Variants in ROBO2 observed in about 807,000 individuals in gnomAD.
ROBO2 encodes the protein roundabout guidance receptor 2.
ROBO2 carries 53 observed loss-of-function variants against 160.8 expected under a neutral mutation model. That is an observed-to-expected ratio of 0.33 (90% CI 0.26 to 0.41). The LOEUF (loss-of-function observed/expected upper bound fraction) is 0.41, where lower values mean the gene tolerates loss of function less well. Among genes scored for constraint, ROBO2 ranks in the 10% least tolerant of loss-of-function variants. ROBO2 has a pLI of 1.00. For synonymous variants in ROBO2, 664 were observed against 611.7 expected, an observed-to-expected ratio of 1.09 and a Z score of -1.26; for missense variants, 1,577 against 1,722.4, an observed-to-expected ratio of 0.92 and a Z score of 1.49.
At chr3:76,647,762 A>T (rs1275920984) in intron 2 of ROBO2, among the ~76,000 whole-genome samples, 1 of 152,162 alleles carries the variant, frequency 6.6e-6, no homozygotes, top group Non-Finnish European at 1.5e-5. Flanking sequence ...TAAAAAGGGA[A>T]GAATACAGTA....
At chr3:77,299,601 A>C (rs191599811) in intron 2 of ROBO2, among the ~76,000 whole-genome samples, 26 of 152,256 alleles carry the variant, frequency 1.7e-4, no homozygotes, top group African/African-American at 6.3e-4. Flanking sequence ...CTATCATGAG[A>C]ACAGCATAGG....
chr3:76,280,655 G>T (rs553728809), intron 2 of ROBO2, among the ~76,000 whole-genome samples: 2 of 151,926 alleles, frequency 1.3e-5, no homozygotes, highest in East Asian at 1.9e-4. Context: ...TTAAAGTTCT[G>T]TTTTAAATGG....
rs1575907372 is a variant in ROBO2 at position 76,679,094 on chromosome 3, C to CT, written c.110-418917dup. Among the ~76,000 whole-genome samples, 16 of 119,180 alleles carry CT rather than the reference C, an allele frequency of 1.3e-4. No individual in the cohort carries two copies. The South Asian group carries it at 4.5e-3, about 34-fold the overall frequency. 78.2% of individuals were successfully genotyped at this position (119,180 alleles called of 152,430 possible). A position where few individuals can be genotyped will look rare whatever the true frequency, so the allele number is the denominator to read the frequency against. On this transcript the variant is annotated intron_variant, in intron 2 of 26. Coordinates refer to the ROBO2 transcript ENST00000487694. Reference sequence around the variant, plus strand: ...CAGTGTTGTAAATGGTGATTCAGAACTTTAACAGAGCTTTTTTGTGACTTC... The same window carrying CT: ...CAGTGTTGTAAATGGTGATTCAGAACTTTTAACAGAGCTTTTTTGTGACTTC...
chr3:75,944,715 A>C (rs1242648186), intron 2 of ROBO2, among the ~76,000 whole-genome samples: 10 of 152,230 alleles, frequency 6.6e-5, no homozygotes, highest in Admixed American at 6.5e-4. Flanking sequence ...TATCAACTTT[A>C]GCATTATCAA....
exon 1 of ROBO2, chr3:75,906,748 G>T (rs1946362021): frequency 6.6e-6 from 1 of 152,378 alleles, no homozygotes; most frequent in Non-Finnish European, 1.5e-5. Flanking sequence ...GGAGGAGGGA[G>T]CGCGGTAGCT....
chr3:77,172,764 T>G (rs977160786), intron 2 of ROBO2, among the ~76,000 whole-genome samples: 4 of 152,204 alleles, frequency 2.6e-5, no homozygotes, highest in Non-Finnish European at 5.9e-5. Context: ...ATTTCCTTCC[T>G]TAAACCAAGG....
In ROBO2 at chr3:77,040,631, C is replaced by T. The variant is rs1367859595; in HGVS notation, c.-155C>T. 5.3e-6 allele frequency: 8 copies of T among 1,507,988 alleles called. No homozygotes were observed. In the African/African-American group the frequency reaches 7.0e-5, roughly 13 times the overall value. The allele number at this position is 1,507,988 out of a possible 1,614,324, so 93.4% of individuals were successfully genotyped here. On this transcript the variant is annotated 5_prime_UTR_variant, in exon 1 of 26. Transcript: ENST00000461745. ...GCCCCGTTCGAGACCTCTCCACCAA[C>T]CCCTTCTGATCTTGCGATTTGCTCT...
At chr3:76,132,130 A>G (rs1302764149) in intron 2 of ROBO2, among the ~76,000 whole-genome samples, 1 of 152,122 alleles carries the variant, frequency 6.6e-6, no homozygotes, top group Non-Finnish European at 1.5e-5. Context: ...TATTGCAGCA[A>G]AAGGATACAA....
intron 2 of ROBO2, among the ~76,000 whole-genome samples, chr3:76,613,943 T>C (rs1179094780): frequency 6.6e-6 from 1 of 152,090 alleles, no homozygotes; most frequent in African/African-American, 2.4e-5. Context: ...TCCAGTACCC[T>C]TATACATTTT....
chr3:76,391,389 G>T (rs2077143014), intron 2 of ROBO2, among the ~76,000 whole-genome samples: 1 of 152,130 alleles, frequency 6.6e-6, no homozygotes, highest in Admixed American at 6.6e-5. Flanking sequence ...CACATATATG[G>T]AATATGTGTA....
intron 2 of ROBO2, among the ~76,000 whole-genome samples, chr3:76,422,429 G>T (rs1428149920): frequency 6.6e-6 from 1 of 152,100 alleles, no homozygotes; most frequent in East Asian, 1.9e-4. Flanking sequence ...GAACAGGTGG[G>T]CCTGGGCCTA....
At chr3:77,480,403 G>T (rs1237659510) in intron 3 of ROBO2, among the ~76,000 whole-genome samples, 1 of 151,638 alleles carries the variant, frequency 6.6e-6, no homozygotes, top group African/African-American at 2.4e-5. Context: ...TAATATTATT[G>T]CATTTGTTTT....
intron 2 of ROBO2, among the ~76,000 whole-genome samples, chr3:76,331,672 A>AT (rs1553709148): frequency 6.7e-6 from 1 of 149,312 alleles, no homozygotes; most frequent in Non-Finnish European, 1.5e-5. Context: ...TTATTGTTCT[A>AT]TTTTAAGTAA....
At chr3:76,989,496 T>C (rs1315341327) in intron 2 of ROBO2, among the ~76,000 whole-genome samples, 7 of 152,072 alleles carry the variant, frequency 4.6e-5, no homozygotes, top group African/African-American at 1.2e-4. Context: ...AACTTCTAAG[T>C]TTAAAAAACA....
intron 2 of ROBO2, among the ~76,000 whole-genome samples, chr3:76,652,413 G>GGGAAA (rs2091296320): frequency 1.3e-5 from 2 of 152,208 alleles, no homozygotes; most frequent in East Asian, 1.9e-4. Context: ...CAACTTACTT[G>GGGAAA]AGCTCACTCA....
chr3:76,201,084 G>T (rs1020515881), intron 2 of ROBO2, among the ~76,000 whole-genome samples: 1 of 152,058 alleles, frequency 6.6e-6, no homozygotes, highest in Admixed American at 6.6e-5. Context: ...ACAAAGACAG[G>T]CTAATTTTGC....
intron 2 of ROBO2, among the ~76,000 whole-genome samples, chr3:76,284,623 T>C (rs1264235406): frequency 6.6e-6 from 1 of 152,138 alleles, no homozygotes; most frequent in Non-Finnish European, 1.5e-5. Context: ...TTCAATTGCT[T>C]TCTCAAAAAT....
chr3:77,413,488 GT>G, intron 2 of ROBO2, among the ~76,000 whole-genome samples: 1 of 152,134 alleles, frequency 6.6e-6, no homozygotes, highest in Non-Finnish European at 1.5e-5. Context: ...CCATTGAAAG[GT>G]TTGCGTTTTG....
rs1407935681 is a variant in ROBO2 at position 76,338,187 on chromosome 3, C to T, written c.109+400585C>T. ...CTATTAGTAAACTTTACATACCCAA[C>T]TTTACATACCCACTGGATCAAATGG... On this transcript the variant is annotated intron_variant, in intron 2 of 26. Coordinates refer to the ROBO2 transcript ENST00000487694. 3.3e-5 allele frequency among the ~76,000 whole-genome samples: 5 copies of T among 152,130 alleles called. No individual in the cohort carries two copies. The East Asian group carries it at 9.6e-4, about 29-fold the overall frequency.
Sources: gnomAD v4.1 joint callset for allele counts (sites outside exome capture counted in the v4.1 genomes callset) on GRCh38, gnomAD v4.1.1 for gene constraint, MANE v1.5 for transcripts, NCBI Gene and HGNC (gene_info 2026-07-23, HGNC 2026-07-21) for gene names.